The following DACH2 variants were observed in gnomAD, a reference collection of about 807,000 sequenced individuals.
The protein encoded by DACH2 is dachshund homolog 2.
In DACH2, 17 loss-of-function variants were observed where a neutral mutation model predicts 35.8. The observed-to-expected ratio is 0.48, with a 90% CI of 0.33 to 0.71. DACH2 has a LOEUF of 0.71. Ranked by LOEUF, DACH2 falls within the 30% of genes least tolerant of loss-of-function variation. The pLI, the probability that DACH2 is intolerant of heterozygous loss-of-function variation, is 0.02. For synonymous variants in DACH2, 195 were observed against 177.3 expected (o/e 1.10, Z -0.79); for missense variants, 469 against 472.7 (o/e 0.99, Z 0.07).
intron 7 of DACH2, among the ~76,000 whole-genome samples, chrX:86,766,097 C>A (rs949634069): frequency 9.1e-6 from 1 of 110,453 alleles, no homozygotes; most frequent in Admixed American, 9.8e-5. Context: ...TCTCTCCTTT[C>A]TTCTCCAAGC....
At chrX:86,635,901 A>T (rs1365766378) in intron 3 of DACH2, among the ~76,000 whole-genome samples, 1 of 111,597 alleles carries the variant, frequency 9.0e-6, no homozygotes, top group Admixed American at 9.5e-5. Context: ...AAATGGAAAA[A>T]CATCCCATAC....
At chrX:86,470,378 AGAT>A (rs1410696124) in intron 2 of DACH2, among the ~76,000 whole-genome samples, 1 of 111,805 alleles carries the variant, frequency 8.9e-6, no homozygotes, top group African/African-American at 3.2e-5. Flanking sequence ...CTTTACTTTT[AGAT>A]GATGTCTTTT....
At chrX:86,644,395 CAA>C (rs964125819) in intron 3 of DACH2, among the ~76,000 whole-genome samples, 16 of 110,910 alleles carry the variant, frequency 1.4e-4, no homozygotes, top group African/African-American at 5.2e-4. Context: ...ATGAGGACTA[CAA>C]AACACTGTTC....
intron 3 of DACH2, among the ~76,000 whole-genome samples, chrX:86,633,154 T>C (rs1010470699): frequency 1.2e-4 from 13 of 109,482 alleles, no homozygotes; most frequent in Non-Finnish European, 2.5e-4. Flanking sequence ...ATACAAATGA[T>C]AAAGGAAATG....
chrX:86,498,923 T>G (rs973985395), intron 2 of DACH2, among the ~76,000 whole-genome samples: 9 of 112,134 alleles, frequency 8.0e-5, no homozygotes, highest in Non-Finnish European at 1.5e-4. Context: ...ATTTGTATAT[T>G]ACTTTTAAAT....
In DACH2 at chrX:86,148,943, C is replaced by G; in HGVS notation, c.323C>G (p.Thr108Ser). The G allele has an allele frequency of 8.3e-7, 1 of 1,211,206 alleles. No individual in the cohort carries two copies. Among genetic ancestry groups the G allele is most frequent in the Non-Finnish European group, 1.1e-6 (1 of 895,487 alleles). ...AAGCACCTGGTGGGAGGCTTGCACA[C>G]TGTGTACACCAAGCTGAAGAGACTG... ...FLKHLVGGLH[T>S]VYTKLKRLDI... Residue 108 changes from threonine to serine, a missense_variant, in exon 1 of 12, where the codon ACT becomes AGT. Physicochemically the swap from Thr to Ser is moderately conservative, Grantham distance 58. Transcript: ENST00000373125.
intron 1 of DACH2, among the ~76,000 whole-genome samples, chrX:86,157,444 CT>C (rs762475660): frequency 1.3e-4 from 14 of 110,818 alleles, no homozygotes; most frequent in East Asian, 2.8e-4. Context: ...ACACAAAAGC[CT>C]TTTTTTTATG....
At chrX:86,761,710 T>C (rs2041883988) in intron 7 of DACH2, among the ~76,000 whole-genome samples, 1 of 111,632 alleles carries the variant, frequency 9.0e-6, no homozygotes, top group East Asian at 2.8e-4. Context: ...ATTATTTTAT[T>C]GGTGGCTTGG....
rs138053214 is a variant in DACH2 at position 86,701,713 on chromosome X, C to T, written c.931+6534C>T. On this transcript the variant is annotated intron_variant, in intron 5 of 11. Transcript: ENST00000373125. ...AAACAGAATTAGATCCTGTTCTCTGCAACAGCATGGATGGAGCTGGAGGCC... is the reference window on the plus strand; with the variant it reads ...AAACAGAATTAGATCCTGTTCTCTGTAACAGCATGGATGGAGCTGGAGGCC... 1.6e-3 allele frequency among the ~76,000 whole-genome samples: 179 copies of T among 111,819 alleles called. 1 individual carries two copies. The highest frequency in any genetic ancestry group is 5.6e-3 in the African/African-American group (173 of 30,826).
intron 1 of DACH2, among the ~76,000 whole-genome samples, chrX:86,228,282 C>A (rs2032870100): frequency 9.0e-6 from 1 of 110,735 alleles, no homozygotes; most frequent in Non-Finnish European, 1.9e-5. Flanking sequence ...CTGGTCATTG[C>A]AAATGCTGTA....
chrX:86,425,044 A>G (rs772580141), intron 2 of DACH2, among the ~76,000 whole-genome samples: 1 of 111,006 alleles, frequency 9.0e-6, no homozygotes, highest in Non-Finnish European at 1.9e-5. Context: ...ATGATGAATA[A>G]TCTTTCTAAT....
chrX:86,316,134 TTG>T (rs1491259131), intron 1 of DACH2, among the ~76,000 whole-genome samples: 30 of 71,299 alleles, frequency 4.2e-4, no homozygotes, highest in African/African-American at 1.2e-3. Context: ...TGTTTGTATT[TTG>T]TTTTTTGCTT....
At chrX:86,815,795 T>G (rs7065094) in intron 10 of DACH2, among the ~76,000 whole-genome samples, 35,410 of 107,130 alleles carry the variant, frequency 0.33, 4,841 homozygotes, top group Middle Eastern at 0.42. Context: ...TTTTAAAGAA[T>G]AAAAAAAATA....
chrX:86,566,868 A>G (rs1345840968), intron 3 of DACH2, among the ~76,000 whole-genome samples: 1 of 111,919 alleles, frequency 8.9e-6, no homozygotes, highest in Non-Finnish European at 1.9e-5. Flanking sequence ...CAGATGAAGA[A>G]ACCAAAATCA....
At chrX:86,427,530 G>A (rs932558160) in intron 2 of DACH2, among the ~76,000 whole-genome samples, 2 of 111,008 alleles carry the variant, frequency 1.8e-5, no homozygotes, top group African/African-American at 6.5e-5. Flanking sequence ...CCGCAATCTC[G>A]GAAGTATTTC....
chrX:86,394,723 A>G (rs2036255438), intron 2 of DACH2, among the ~76,000 whole-genome samples: 1 of 111,829 alleles, frequency 8.9e-6, no homozygotes, highest in Non-Finnish European at 1.9e-5. Context: ...CATTTGTAAG[A>G]CTGTATATCC....
chrX:86,278,033 C>T (rs781386564), intron 1 of DACH2, among the ~76,000 whole-genome samples: 17 of 111,528 alleles, frequency 1.5e-4, no homozygotes, highest in East Asian at 8.5e-4. Context: ...GTGGTTAGAC[C>T]GAGAAGATGC....
At chrX:86,370,201 C>A (rs1415495380) in intron 1 of DACH2, among the ~76,000 whole-genome samples, 2 of 111,364 alleles carry the variant, frequency 1.8e-5, no homozygotes, top group African/African-American at 6.5e-5. Flanking sequence ...AGGAAGGAAA[C>A]ATCATTTTAA....
chrX:86,812,609 T>TA (rs1417622007), intron 7 of DACH2, among the ~76,000 whole-genome samples: 2 of 111,778 alleles, frequency 1.8e-5, no homozygotes, highest in African/African-American at 6.5e-5. Flanking sequence ...GTATGTATCT[T>TA]AAGTTTTTTC....
Sources: gnomAD v4.1 joint callset for allele counts (sites outside exome capture counted in the v4.1 genomes callset) on GRCh38, gnomAD v4.1.1 for gene constraint, MANE v1.5 for transcripts, NCBI Gene and HGNC (gene_info 2026-07-23, HGNC 2026-07-21) for gene names.